FHAD1: variants seen among roughly 807,000 people sequenced by gnomAD.
FHAD1 encodes the protein forkhead-associated domain-containing protein 1.
Under a neutral mutation model 191.3 loss-of-function variants are expected in FHAD1, and 146 were observed. The observed-to-expected ratio is 0.76, with a 90% CI of 0.67 to 0.88. FHAD1 has a LOEUF of 0.88. Among genes scored for constraint, FHAD1 ranks in the 40% least tolerant of loss-of-function variants. The pLI is 0.00. For synonymous variants in FHAD1, 616 were observed against 672.3 expected, an observed-to-expected ratio of 0.92 and a Z score of 1.29; for missense variants, 1,635 against 1,785.8, an observed-to-expected ratio of 0.92 and a Z score of 1.52.
chr1:15,279,496 T>G (rs1459202595), intron 3 of FHAD1, among the ~76,000 whole-genome samples: 3 of 150,618 alleles, frequency 2.0e-5, no homozygotes, highest in Non-Finnish European at 4.4e-5. Context: ...ACCGGGAGTT[T>G]CTTCCTTCTG....
At chr1:15,386,603 C>T (rs1165679247) in intron 31 of FHAD1, among the ~76,000 whole-genome samples, 6 of 152,224 alleles carry the variant, frequency 3.9e-5, no homozygotes, top group Admixed American at 3.3e-4. Context: ...AGCTCCCCTT[C>T]CGGGCTCCAG....
intron 10 of FHAD1, among the ~76,000 whole-genome samples, chr1:15,322,976 G>A (rs191765010): frequency 3.3e-4 from 51 of 152,290 alleles, no homozygotes; most frequent in African/African-American, 1.1e-3. Context: ...CATGGCGGTG[G>A]CAAGGGAAAA....
At position 15,358,097 on chromosome 1, in the gene FHAD1, T is replaced by C; in HGVS notation, c.2563-13T>C. The C allele has an allele frequency of 6.7e-7, 1 of 1,494,106 alleles. No individual in the cohort carries two copies. Among genetic ancestry groups the C allele is most frequent in the Non-Finnish European group, 8.9e-7 (1 of 1,125,182 alleles). 92.6% of individuals were successfully genotyped at this position (1,494,106 alleles called of 1,614,324 possible). ...TGAATGTCTGTTATTTTGCTACTTGTTTTTTTGTCTAGGAATTAGAATTAA... is the reference window on the plus strand; with the variant it reads ...TGAATGTCTGTTATTTTGCTACTTGCTTTTTTGTCTAGGAATTAGAATTAA... On this transcript the variant is annotated splice_polypyrimidine_tract_variant and intron_variant, in intron 20 of 33. Transcript: ENST00000688493.
In FHAD1 at chr1:15,341,821, A is replaced by G. The variant is rs373033169; in HGVS notation, c.2063A>G (p.Asn688Ser). 19 of 1,551,816 alleles carry G rather than the reference A, an allele frequency of 1.2e-5. No homozygotes were observed. The highest frequency in any genetic ancestry group is 1.7e-5 in the Non-Finnish European group (19 of 1,147,018). Residue 688 changes from asparagine (N) to serine (S), a missense_variant, in exon 16 of 34, where the codon AAC becomes AGC. Transcript: ENST00000688493. The part of the protein sequence containing the change: ...REHLAEKEKL[N>S]EERLEQEEKL... Reference sequence around the variant, plus strand: ...CATCTGGCAGAGAAGGAGAAGCTGAACGAGGAGAGGCTAGAGCAAGAGGAG... The same window carrying G: ...CATCTGGCAGAGAAGGAGAAGCTGAGCGAGGAGAGGCTAGAGCAAGAGGAG...
intron 28 of FHAD1, among the ~76,000 whole-genome samples, chr1:15,378,401 C>T (rs918317696): frequency 6.6e-6 from 1 of 152,204 alleles, no homozygotes; most frequent in Non-Finnish European, 1.5e-5. Flanking sequence ...CCTGGAGGTC[C>T]GCCTCTTGCA....
chr1:15,248,433 C>T (rs1280276998), intron 1 of FHAD1, among the ~76,000 whole-genome samples: 5 of 152,106 alleles, frequency 3.3e-5, no homozygotes, highest in Non-Finnish European at 5.9e-5. Context: ...CCTGCAAGTA[C>T]CCCGGGGTGA....
At chr1:15,274,480 C>T (rs968494154) in intron 3 of FHAD1, among the ~76,000 whole-genome samples, 1 of 151,814 alleles carries the variant, frequency 6.6e-6, no homozygotes. Context: ...GGCATGGTGG[C>T]GGGCGCCTGT....
At chr1:15,396,913 G>T (rs931868949) in intron 33 of FHAD1, among the ~76,000 whole-genome samples, 1 of 151,828 alleles carries the variant, frequency 6.6e-6, no homozygotes, top group Non-Finnish European at 1.5e-5. Flanking sequence ...GGCTGGGTGC[G>T]GTGGCTCAAG....
At chr1:15,315,630 C>T (rs534086804) in intron 8 of FHAD1, among the ~76,000 whole-genome samples, 12 of 151,986 alleles carry the variant, frequency 7.9e-5, no homozygotes, top group African/African-American at 4.8e-5. Flanking sequence ...GGACTACAGG[C>T]GCCCGCCACC....
chr1:15,255,975 G>A (rs1227123255), intron 2 of FHAD1, among the ~76,000 whole-genome samples: 1 of 75,570 alleles, frequency 1.3e-5, no homozygotes, highest in African/African-American at 3.4e-5. Flanking sequence ...CTCCCTGGCT[G>A]CCTTGTGCAG....
At chr1:15,267,145 A>G (rs1343241140) in intron 2 of FHAD1, among the ~76,000 whole-genome samples, 1 of 152,236 alleles carries the variant, frequency 6.6e-6, no homozygotes, top group Non-Finnish European at 1.5e-5. Context: ...ACAGATGGCA[A>G]ATAAGCATAT....
In FHAD1 at chr1:15,289,335, G is replaced by A. The variant is rs1026529771; in HGVS notation, c.301-64G>A. 4 of 1,515,286 alleles carry A rather than the reference G, an allele frequency of 2.6e-6. No homozygotes were observed. The African/African-American group carries it at 4.2e-5, about 16-fold the overall frequency. 93.9% of individuals were successfully genotyped at this position (1,515,286 alleles called of 1,614,324 possible). ...CCTTGGGCAGCAATGCTGTGGCTGG[G>A]ACAAAGAAATGGAGACCATCCCAGC... On this transcript the variant is annotated intron_variant, in intron 3 of 33. Coordinates refer to ENST00000688493, the MANE Select transcript of FHAD1 (RefSeq NM_001391957.1). The surrounding 1 kb of genome is among the most constrained non-coding windows in gnomAD (Gnocchi z 4.2).
chr1:15,359,683 A>G (rs762705975), intron 21 of FHAD1, among the ~76,000 whole-genome samples: 2 of 152,028 alleles, frequency 1.3e-5, no homozygotes, highest in East Asian at 1.9e-4. Flanking sequence ...CCCCATCTCC[A>G]CTAAAAAAAA....
chr1:15,339,442 A>C (rs1455965336), intron 14 of FHAD1, 39 bp from the exon 15 acceptor site: 1 of 1,030,502 alleles, frequency 9.7e-7, no homozygotes, highest in Non-Finnish European at 1.3e-6. Flanking sequence ...TTTGGAGTTG[A>C]ATTGATACTT....
intron 31 of FHAD1, among the ~76,000 whole-genome samples, chr1:15,386,822 CTCTTTT>C (rs1240184006): frequency 6.6e-6 from 1 of 151,518 alleles, no homozygotes; most frequent in African/African-American, 2.4e-5. Flanking sequence ...GTGCTCTTTT[CTCTTTT>C]TCTTTTTTTT....
intron 3 of FHAD1, among the ~76,000 whole-genome samples, chr1:15,283,628 C>A (rs1661348865): frequency 6.6e-6 from 1 of 152,200 alleles, no homozygotes; most frequent in Non-Finnish European, 1.5e-5. Flanking sequence ...CTCTCATGAG[C>A]CAGCACCAAC....
At chr1:15,307,277 C>G (rs772538305) in intron 6 of FHAD1, among the ~76,000 whole-genome samples, 1 of 152,154 alleles carries the variant, frequency 6.6e-6, no homozygotes, top group African/African-American at 2.4e-5. Flanking sequence ...CCCATTGTAC[C>G]TAGGAAGTAA....
At chr1:15,342,491 GA>G (rs1687143140) in intron 16 of FHAD1, among the ~76,000 whole-genome samples, 1 of 152,168 alleles carries the variant, frequency 6.6e-6, no homozygotes, top group Non-Finnish European at 1.5e-5. Flanking sequence ...TTCTTAGGGC[GA>G]AGGCTTAGAG....
chr1:15,364,926 CAG>C (rs1695929706), intron 23 of FHAD1, among the ~76,000 whole-genome samples: 1 of 152,228 alleles, frequency 6.6e-6, no homozygotes. Flanking sequence ...TCCTGAGTCT[CAG>C]GGCACCAAAC....
Sources: allele counts gnomAD v4.1 joint callset (sites outside exome capture counted in the v4.1 genomes callset), GRCh38; gene constraint gnomAD v4.1.1; non-coding constraint Gnocchi (gnomAD v3.1); transcripts MANE v1.5; gene names NCBI Gene and HGNC (gene_info 2026-07-23, HGNC 2026-07-21).